Variants in SNCAIP observed in about 807,000 individuals in gnomAD.
The protein encoded by SNCAIP is synphilin-1.
Under a neutral mutation model 86.7 loss-of-function variants are expected in SNCAIP, and 43 were observed. That is an observed-to-expected ratio of 0.50 (90% confidence interval 0.39 to 0.64). The LOEUF is 0.64. SNCAIP is among the 30% of genes least tolerant of loss of function. The pLI, the probability that SNCAIP is intolerant of heterozygous loss-of-function variation, is 0.00. For synonymous variants in SNCAIP, 417 were observed against 427.2 expected (o/e 0.98, Z 0.29); for missense variants, 981 against 1,103.1 (o/e 0.89, Z 1.57).
chr5:122,422,899 A>G lies in SNCAIP; in HGVS notation c.162A>G (p.Ser54=). 4 of 1,613,890 alleles carry G rather than the reference A, an allele frequency of 2.5e-6. No individual in the cohort carries two copies. Among genetic ancestry groups the G allele is most frequent in the Non-Finnish European group, 3.4e-6 (4 of 1,179,758 alleles). ...VSSSSWNCGI[S]TLITNTQKPT... ...GCTCTAGCTGGAATTGTGGCATCTC[A>G]ACTCTTATTACAAACACGCAAAAGC... Residue 54 remains serine (S), a synonymous_variant, in exon 4 of 11, where the codon TCA becomes TCG. Transcript: ENST00000261368.
intron 1 of SNCAIP, among the ~76,000 whole-genome samples, chr5:122,320,025 G>C (rs896806132): frequency 1.3e-5 from 2 of 152,208 alleles, no homozygotes; most frequent in African/African-American, 2.4e-5. Flanking sequence ...TGGATCCTCT[G>C]TTGGTCCTGA....
rs147442152 is a variant in SNCAIP, at chr5:122,384,451, G to C, written c.-46-6638G>C. ...CTTGTCATTTTGGCAAGTTGAAGTA[G>C]GAGAGAAAAATACTAGACTTAAAAT... On this transcript the variant is annotated intron_variant, in intron 1 of 10. Transcript: ENST00000261368. 2.6e-3 allele frequency among the ~76,000 whole-genome samples: 400 copies of C among 152,226 alleles called. 1 individual carries two copies. The highest frequency in any genetic ancestry group is 9.1e-3 in the African/African-American group (377 of 41,530).
intron 2 of SNCAIP, chr5:122,401,273 C>G: frequency 1.3e-6 from 1 of 775,486 alleles, no homozygotes; most frequent in East Asian, 3.0e-5. Flanking sequence ...TGCTCATTCC[C>G]AAATTTGCAA....
chr5:122,427,342 A>G (rs1421959160), intron 5 of SNCAIP, among the ~76,000 whole-genome samples: 1 of 151,338 alleles, frequency 6.6e-6, no homozygotes, highest in Non-Finnish European at 1.5e-5. Context: ...TAAGATTGCC[A>G]TCATACCATC....
intron 2 of SNCAIP, among the ~76,000 whole-genome samples, chr5:122,403,048 A>G (rs1772159815): frequency 1.3e-5 from 2 of 152,194 alleles, no homozygotes; most frequent in African/African-American, 4.8e-5. Context: ...CTCATAAATC[A>G]TAGCTATTGA....
Position 122,423,657 on chromosome 5 carries a change from A to G in SNCAIP, c.920A>G (p.Gln307Arg), listed in dbSNP as rs541645320. Reference protein sequence around the residue: ...QVSGLNRTSSQGPEERSEYLK... With the variant: ...QVSGLNRTSSRGPEERSEYLK... ...AGTGGCCTAAACCGGACCAGCTCCC[A>G]AGGCCCAGAAGAAAGGAGTGAGTAT... The change falls in exon 4 of 11, where the codon CAA becomes CGA. Residue 307 changes from glutamine to arginine, a missense_variant. Coordinates refer to ENST00000261368, the MANE Select transcript of SNCAIP (RefSeq NM_005460.4). 1 of 1,611,832 alleles carries G rather than the reference A, an allele frequency of 6.2e-7. No individual in the cohort carries two copies. Among genetic ancestry groups the G allele is most frequent in the East Asian group, 2.2e-5 (1 of 44,876 alleles).
chr5:122,372,202 G>T (rs940625149), intron 1 of SNCAIP, among the ~76,000 whole-genome samples: 1 of 152,082 alleles, frequency 6.6e-6, no homozygotes, highest in Non-Finnish European at 1.5e-5. Context: ...TAAAACATCA[G>T]CTAATTTCTT....
chr5:122,349,719 A>G (rs764858338), intron 1 of SNCAIP, among the ~76,000 whole-genome samples: 4 of 152,198 alleles, frequency 2.6e-5, no homozygotes, highest in Non-Finnish European at 4.4e-5. Context: ...CAAAGTCAAA[A>G]GACCTCATGC....
At chr5:122,437,386 C>T (rs900429224) in intron 6 of SNCAIP, 1 of 152,152 alleles carries the variant, frequency 6.6e-6, no homozygotes, top group African/African-American at 2.4e-5. Flanking sequence ...AGACTCTAGC[C>T]ATCTCCATGT....
At chr5:122,334,025 A>AGAG (rs982673891) in intron 1 of SNCAIP, among the ~76,000 whole-genome samples, 1 of 152,208 alleles carries the variant, frequency 6.6e-6, no homozygotes, top group African/African-American at 2.4e-5. Context: ...TGTGAAGAAG[A>AGAG]GAGAGGTGAA....
At chr5:122,349,318 A>AG (rs1170746565) in intron 1 of SNCAIP, among the ~76,000 whole-genome samples, 1 of 152,202 alleles carries the variant, frequency 6.6e-6, no homozygotes, top group Non-Finnish European at 1.5e-5. Flanking sequence ...CCAGGGCTGT[A>AG]GAGAGGTAGG....
chr5:122,396,578 G>A (rs1360957817), intron 2 of SNCAIP, among the ~76,000 whole-genome samples: 1 of 152,152 alleles, frequency 6.6e-6, no homozygotes. Flanking sequence ...TGCCAATCTA[G>A]TCAACAAGCA....
chr5:122,366,245 A>G (rs1337979180), intron 1 of SNCAIP, among the ~76,000 whole-genome samples: 1 of 152,194 alleles, frequency 6.6e-6, no homozygotes, highest in Admixed American at 6.5e-5. Flanking sequence ...GTCTATTACC[A>G]CCCACAAGTT....
At position 122,406,180 on chromosome 5, in the gene SNCAIP, G is replaced by A. The variant is rs143860553; in HGVS notation, c.130+2315G>A. On this transcript the variant is annotated intron_variant, in intron 3 of 10. Transcript: ENST00000261368. The stretch of plus-strand genomic sequence containing the variant: ...GGGCCCCTCTGAAAGAAATCTCAAC[G>A]TGATGAAGTTTTCGGAGCTGGTTTC... Among the ~76,000 whole-genome samples, 785 of 152,258 alleles carry A rather than the reference G, an allele frequency of 5.2e-3. 2 individuals carry two copies. Among genetic ancestry groups the A allele is most frequent in the African/African-American group, 0.018 (745 of 41,556 alleles).
chr5:122,439,880 A>G (rs1780419149), intron 6 of SNCAIP, among the ~76,000 whole-genome samples: 3 of 152,066 alleles, frequency 2.0e-5, no homozygotes, highest in Admixed American at 2.0e-4. Flanking sequence ...ACCACAAAAC[A>G]CTCAGTGGGT....
At chr5:122,332,446 C>A (rs985897257) in intron 1 of SNCAIP, among the ~76,000 whole-genome samples, 4 of 152,190 alleles carry the variant, frequency 2.6e-5, no homozygotes, top group South Asian at 2.1e-4. Flanking sequence ...TTGAAGCATA[C>A]CTGCCAAATC....
intron 3 of SNCAIP, among the ~76,000 whole-genome samples, chr5:122,414,323 C>T (rs1474806649): frequency 1.3e-5 from 2 of 151,538 alleles, no homozygotes; most frequent in Non-Finnish European, 1.5e-5. Flanking sequence ...CTCCATCTCC[C>T]AAGTTCAAGC....
intron 7 of SNCAIP, chr5:122,443,469 A>G (rs1457377153): frequency 3.0e-6 from 1 of 338,358 alleles, no homozygotes; most frequent in Non-Finnish European, 6.0e-6. Context: ...CCTTGGCCAG[A>G]TTCCGTAACT....
At chr5:122,337,846 G>C (rs897219805) in intron 1 of SNCAIP, among the ~76,000 whole-genome samples, 1 of 152,140 alleles carries the variant, frequency 6.6e-6, no homozygotes, top group Non-Finnish European at 1.5e-5. Context: ...TGCCTCCTCT[G>C]GTTTATTTTT....
Sources: allele counts gnomAD v4.1 joint callset (sites outside exome capture counted in the v4.1 genomes callset), GRCh38; gene constraint gnomAD v4.1.1; transcripts MANE v1.5; gene names NCBI Gene and HGNC (gene_info 2026-07-23, HGNC 2026-07-21).